Variants in ITGB3BP observed in about 807,000 individuals in gnomAD.
ITGB3BP encodes the protein centromere protein R.
ITGB3BP carries 27 observed loss-of-function variants against 29.1 expected under a neutral mutation model. The observed-to-expected ratio is 0.93, with a 90% CI of 0.68 to 1.28. The LOEUF is 1.28. ITGB3BP is among the 50% of genes most tolerant of loss of function. The pLI is 0.00. For synonymous variants in ITGB3BP, 61 were observed against 61.4 expected (o/e 0.99, Z 0.03); for missense variants, 192 against 200.2 (o/e 0.96, Z 0.25).
In ITGB3BP at chr1:63,478,772, G is replaced by T; in HGVS notation, c.246C>A (p.Asp82Glu). 2 of 1,444,198 alleles carry T rather than the reference G, an allele frequency of 1.4e-6. No homozygotes were observed. Among genetic ancestry groups the T allele is most frequent in the Non-Finnish European group, 1.9e-6 (2 of 1,064,020 alleles). The allele number at this position is 1,444,198 out of a possible 1,614,324, so 89.5% of individuals were successfully genotyped here. ...LTESKESTTKDNDEFMMLLSK... is the reference protein window; with the variant it reads ...LTESKESTTKENDEFMMLLSK... ...AAAAATAACAAACTTACTCATCATT[G>T]TCTTTTGTTGTAGATTCTTTGCTTT... Residue 82 changes from aspartate (D) to glutamate (E), a missense_variant, in exon 4 of 9, where the codon GAC (aspartate) becomes GAA (glutamate). Asp to Glu is a conservative substitution (Grantham distance 45). Transcript: ENST00000271002.
At chr1:63,464,659 C>T (rs938164989) in intron 4 of ITGB3BP, among the ~76,000 whole-genome samples, 1 of 152,016 alleles carries the variant, frequency 6.6e-6, no homozygotes, top group Non-Finnish European at 1.5e-5. Context: ...AAGTACCTCC[C>T]CACAAAGTAT....
intron 2 of ITGB3BP, among the ~76,000 whole-genome samples, chr1:63,502,114 T>C (rs1645946513): frequency 6.6e-6 from 1 of 152,192 alleles, no homozygotes; most frequent in South Asian, 2.1e-4. Context: ...GTTGTCCATA[T>C]AAATTCATCT....
intron 2 of ITGB3BP, among the ~76,000 whole-genome samples, chr1:63,501,945 A>G (rs1238145584): frequency 6.6e-6 from 1 of 152,078 alleles, no homozygotes; most frequent in East Asian, 1.9e-4. Flanking sequence ...AACCTCCCCA[A>G]CAAAACCTGC....
At chr1:63,461,692 C>A (rs774260703) in intron 4 of ITGB3BP, among the ~76,000 whole-genome samples, 36 of 152,140 alleles carry the variant, frequency 2.4e-4, no homozygotes, top group Non-Finnish European at 4.1e-4. Context: ...GTAAGGAAAT[C>A]CTGTTTCCCA....
rs770867140 is a variant in ITGB3BP, at chr1:63,490,264, A to G, written c.49-46T>C. 2.2e-6 allele frequency: 3 copies of G among 1,367,894 alleles called. No homozygotes were observed. The Admixed American group carries it at 6.4e-5, about 29-fold the overall frequency. The allele number at this position is 1,367,894 out of a possible 1,614,324, so 84.7% of individuals were successfully genotyped here. On this transcript the variant is annotated intron_variant, in intron 2 of 8. Coordinates refer to ENST00000271002, the MANE Select transcript of ITGB3BP (RefSeq NM_014288.5). ...AGGACAGAAATAGCTATGTTTAGTTATAGATCTTTGAAATTATATACCATT... is the reference window on the plus strand; with the variant it reads ...AGGACAGAAATAGCTATGTTTAGTTGTAGATCTTTGAAATTATATACCATT...
At chr1:63,468,009 G>A (rs1645129533) in intron 4 of ITGB3BP, among the ~76,000 whole-genome samples, 1 of 152,270 alleles carries the variant, frequency 6.6e-6, no homozygotes. Context: ...AAGGCTTAAG[G>A]AGCAACAGAA....
At chr1:63,518,381 T>C (rs1005231992) in intron 1 of ITGB3BP, among the ~76,000 whole-genome samples, 2 of 152,178 alleles carry the variant, frequency 1.3e-5, no homozygotes, top group Admixed American at 6.5e-5. Flanking sequence ...TTTGTATAAG[T>C]TGTCAAGTTT....
Position 63,451,410 on chromosome 1 carries a change from G to C in ITGB3BP, c.484+2508C>G, listed in dbSNP as rs546994257. ...AAAATTTAAACAATTCTGTGTAATA[G>C]CATAATAAAAATAAATAAATAAAAG... On this transcript the variant is annotated intron_variant, in intron 7 of 8. Transcript: ENST00000271002. Among the ~76,000 whole-genome samples the C allele has an allele frequency of 2.3e-3, 350 of 151,818 alleles. 2 individuals are homozygous for C. Among genetic ancestry groups the C allele is most frequent in the African/African-American group, 7.9e-3 (329 of 41,478 alleles).
At chr1:63,511,206 A>T (rs1227685942) in intron 1 of ITGB3BP, among the ~76,000 whole-genome samples, 1 of 152,182 alleles carries the variant, frequency 6.6e-6, no homozygotes, top group Admixed American at 6.5e-5. Context: ...GGGAAATGCA[A>T]ATCAGAACCA....
intron 2 of ITGB3BP, among the ~76,000 whole-genome samples, chr1:63,492,257 CTCTT>C (rs1645668131): frequency 6.6e-6 from 1 of 151,512 alleles, no homozygotes; most frequent in South Asian, 2.1e-4. Flanking sequence ...TGAGGCTTCT[CTCTT>C]TTTTTATTTT....
intron 1 of ITGB3BP, chr1:63,510,225 TA>T (rs1251004511): frequency 2.1e-6 from 1 of 485,184 alleles, no homozygotes; most frequent in Non-Finnish European, 3.7e-6. Context: ...ATTAAAAAAC[TA>T]AAGTTAAACA....
In ITGB3BP at chr1:63,446,797, A is replaced by T. The variant is rs756610650; in HGVS notation, c.*1+9T>A. On this transcript the variant is annotated intron_variant, in intron 8 of 8. Transcript: ENST00000271002. ...AAGGTTAAACTAAATTAGAAAGGTG[A>T]AACAGTACCTCAGTTTAAAATGGCT... 6.3e-7 allele frequency: 1 copy of T among 1,588,102 alleles called. No individual in the cohort carries two copies. The highest frequency in any genetic ancestry group is 1.3e-5 in the African/African-American group (1 of 74,460).
At chr1:63,509,849 T>C (rs1349195557) in intron 1 of ITGB3BP, among the ~76,000 whole-genome samples, 2 of 152,198 alleles carry the variant, frequency 1.3e-5, no homozygotes, top group Non-Finnish European at 2.9e-5. Flanking sequence ...TTGGAATACA[T>C]ATTGCCCTAT....
chr1:63,475,544 G>A (rs1047441660), intron 4 of ITGB3BP, among the ~76,000 whole-genome samples: 1 of 152,106 alleles, frequency 6.6e-6, no homozygotes, highest in Non-Finnish European at 1.5e-5. Flanking sequence ...GACAGAGCAT[G>A]ACTCTGTTTC....
In ITGB3BP at chr1:63,480,837, G is replaced by T. The variant is rs146904231; in HGVS notation, c.185-2004C>A. Reference sequence around the variant, plus strand: ...TATGGTTAAAAATTTAGTAAAGAATGTAAGGGGAAAAGAATAACAATATAT... The same window carrying T: ...TATGGTTAAAAATTTAGTAAAGAATTTAAGGGGAAAAGAATAACAATATAT... On this transcript the variant is annotated intron_variant, in intron 3 of 8. Transcript: ENST00000271002. 4.0e-3 allele frequency among the ~76,000 whole-genome samples: 604 copies of T among 152,112 alleles called. 4 individuals are homozygous for T. Among genetic ancestry groups the T allele is most frequent in the African/African-American group, 0.013 (553 of 41,522 alleles).
At chr1:63,452,605 ATTT>A (rs1424311989) in intron 7 of ITGB3BP, among the ~76,000 whole-genome samples, 1 of 148,464 alleles carries the variant, frequency 6.7e-6, no homozygotes, top group Non-Finnish European at 1.5e-5. Flanking sequence ...CTGCCTCTAA[ATTT>A]TTCTTTTTTC....
rs529943844 is a variant in ITGB3BP at position 63,496,193 on chromosome 1, A to G, written c.49-5975T>C. 2.6e-5 allele frequency among the ~76,000 whole-genome samples: 4 copies of G among 152,050 alleles called. No individual in the cohort carries two copies. The East Asian group carries it at 7.7e-4, about 29-fold the overall frequency. On this transcript the variant is annotated intron_variant, in intron 2 of 8. Transcript: ENST00000271002. ...CTGCAACGTCCGCCTCCTGGGCTCAAGTGACCCTCCCACCTTAGCCTCCTG... is the reference window on the plus strand; with the variant it reads ...CTGCAACGTCCGCCTCCTGGGCTCAGGTGACCCTCCCACCTTAGCCTCCTG...
intron 1 of ITGB3BP, among the ~76,000 whole-genome samples, chr1:63,517,549 A>C (rs1001826651): frequency 4.6e-5 from 7 of 152,154 alleles, no homozygotes; most frequent in South Asian, 4.1e-4. Flanking sequence ...GAAAAATCTT[A>C]AACTTCAATT....
rs183498421 is a variant in ITGB3BP, at chr1:63,528,620, T to C, written n.253+511A>G. ...TAAATGCTTGAGGCAACAGATACCC[T>C]ATTTACCCTGATGTAATTATTGCAT... On this transcript the variant is annotated intron_variant and non_coding_transcript_variant, in intron 2 of 4. Coordinates refer to the ITGB3BP transcript ENST00000478138. 1.1e-3 allele frequency among the ~76,000 whole-genome samples: 160 copies of C among 152,264 alleles called. 2 individuals carry two copies. The highest frequency in any genetic ancestry group is 3.6e-3 in the African/African-American group (149 of 41,564).
Sources: allele counts gnomAD v4.1 joint callset (sites outside exome capture counted in the v4.1 genomes callset), GRCh38; gene constraint gnomAD v4.1.1; transcripts MANE v1.5; gene names NCBI Gene and HGNC (gene_info 2026-07-23, HGNC 2026-07-21).